Variants in IGF1 observed in about 807,000 individuals in gnomAD.
The protein encoded by IGF1 is insulin-like growth factor 1.
In IGF1, 4 loss-of-function variants were observed where a neutral mutation model predicts 13.8. That is an observed-to-expected ratio of 0.29 (90% CI 0.14 to 0.66). IGF1 has a LOEUF of 0.66. Ranked by LOEUF, IGF1 falls within the 30% of genes least tolerant of loss-of-function variation. The probability of loss-of-function intolerance (pLI) is 0.78; values close to 1 mark genes in which losing one functional copy is unlikely to be tolerated. For synonymous variants in IGF1, 76 were observed against 72.6 expected (o/e 1.05, Z -0.23); for missense variants, 124 against 188.5 (o/e 0.66, Z 2.00).
intron 2 of IGF1, among the ~76,000 whole-genome samples, chr12:102,451,617 A>G (rs567483996): frequency 1.3e-5 from 2 of 152,346 alleles, no homozygotes; most frequent in African/African-American, 4.8e-5. Context: ...AACTTGAGGA[A>G]TATACTGTAT....
At position 102,458,730 on chromosome 12, in the gene IGF1, C is replaced by CA. The variant is rs397825972; in HGVS notation, c.220+16912dup. Among the ~76,000 whole-genome samples the CA allele has an allele frequency of 9.9e-3, 725 of 73,412 alleles. 39 individuals carry two copies. In the East Asian group the frequency reaches 0.14, roughly 14 times the overall value. 48.2% of individuals were successfully genotyped at this position (73,412 alleles called of 152,430 possible). A position where few individuals can be genotyped will look rare whatever the true frequency, so the allele number is the denominator to read the frequency against. On this transcript the variant is annotated intron_variant, in intron 2 of 3. Coordinates refer to ENST00000337514, the MANE Select transcript of IGF1 (RefSeq NM_000618.5). ...TTAAGCAGATGGTAGGAACACTGAC[C>CA]AAAAAAAAAAAAAAAAACCAAAAAC...
At chr12:102,449,337 T>C (rs1348807780) in intron 2 of IGF1, among the ~76,000 whole-genome samples, 1 of 150,368 alleles carries the variant, frequency 6.7e-6, no homozygotes, top group Non-Finnish European at 1.5e-5. Flanking sequence ...TAAGTGTGAG[T>C]TGAACAATGA....
At chr12:102,438,923 G>A (rs897538735) in intron 2 of IGF1, among the ~76,000 whole-genome samples, 2 of 152,100 alleles carry the variant, frequency 1.3e-5, no homozygotes, top group Non-Finnish European at 1.5e-5. Flanking sequence ...CTTTCAAAAC[G>A]TTTATCAAAT....
At chr12:102,465,665 G>A (rs573097088) in intron 2 of IGF1, among the ~76,000 whole-genome samples, 38 of 152,298 alleles carry the variant, frequency 2.5e-4, no homozygotes, top group African/African-American at 9.1e-4. Context: ...GGCTGGGTGC[G>A]GTGGCTCACG....
intron 3 of IGF1, chr12:102,417,358 T>C (rs1329806932): frequency 4.5e-6 from 1 of 222,450 alleles, no homozygotes; most frequent in Non-Finnish European, 7.6e-6. Context: ...AAAGGGAATC[T>C]GGGAACTTCT....
chr12:102,426,520 A>T (rs1876220832), intron 2 of IGF1, among the ~76,000 whole-genome samples: 1 of 152,222 alleles, frequency 6.6e-6, no homozygotes, highest in African/African-American at 2.4e-5. Flanking sequence ...TCACTAAAGT[A>T]AATGAAAGGC....
At chr12:102,471,955 T>G (rs920798926) in intron 2 of IGF1, among the ~76,000 whole-genome samples, 8 of 152,188 alleles carry the variant, frequency 5.3e-5, no homozygotes, top group African/African-American at 1.7e-4. Flanking sequence ...ACTTCTCCTA[T>G]TTCATTTGAA....
chr12:102,441,948 T>TC (rs1877857335), intron 2 of IGF1, among the ~76,000 whole-genome samples: 1 of 143,370 alleles, frequency 7.0e-6, no homozygotes, highest in Non-Finnish European at 1.5e-5. Context: ...TTCTTCTTCT[T>TC]CTTCTTCTTT....
chr12:102,477,272 AG>A (rs1448332629), intron 1 of IGF1, among the ~76,000 whole-genome samples: 7 of 150,232 alleles, frequency 4.7e-5, no homozygotes, highest in Non-Finnish European at 8.9e-5. Context: ...TCAGCAACTG[AG>A]GAAAAAAAAA....
At chr12:102,452,495 G>T (rs965619794) in intron 2 of IGF1, among the ~76,000 whole-genome samples, 3 of 151,960 alleles carry the variant, frequency 2.0e-5, no homozygotes, top group African/African-American at 7.3e-5. Context: ...GTAAATATTT[G>T]CACACTAATC....
At chr12:102,477,286 A>C (rs1881111574) in intron 1 of IGF1, among the ~76,000 whole-genome samples, 2 of 152,038 alleles carry the variant, frequency 1.3e-5, no homozygotes, top group South Asian at 2.1e-4. Flanking sequence ...AAAAAAAAAA[A>C]AACCAAAACC....
Position 102,423,326 on chromosome 12 carries a change from T to TG in IGF1, c.221-3637dup, listed in dbSNP as rs748232104. The TG allele has an allele frequency of 1.1e-4, 16 of 145,716 alleles. 1 individual carries two copies. The highest frequency in any genetic ancestry group is 2.1e-4 in the Admixed American group (3 of 14,400). The allele number at this position is 145,716 out of a possible 1,614,324, so 9.0% of individuals were successfully genotyped here. ...GTATAGTCCCTTCTACAGCAAGGTG[T>TG]GGTCCAACAGTTCTGTTGTACTGGC... On this transcript the variant is annotated intron_variant, in intron 2 of 3. Transcript: ENST00000337514.
At chr12:102,462,074 A>C (rs61935423) in intron 2 of IGF1, among the ~76,000 whole-genome samples, 15,096 of 152,218 alleles carry the variant, frequency 0.099, 899 homozygotes, top group East Asian at 0.22. Context: ...CTGCATTTCT[A>C]AAAAGCCCTC....
chr12:102,408,512 A>G (rs1316248014), intron 3 of IGF1, among the ~76,000 whole-genome samples: 1 of 152,164 alleles, frequency 6.6e-6, no homozygotes, highest in Non-Finnish European at 1.5e-5. Flanking sequence ...TAACAGAGTG[A>G]GGGATATGTA....
chr12:102,426,093 A>G (rs1313178084), intron 2 of IGF1, among the ~76,000 whole-genome samples: 1 of 152,238 alleles, frequency 6.6e-6, no homozygotes. Context: ...TTTAGAACAT[A>G]TTACAGAATT....
rs1873595130 is a variant in IGF1, at chr12:102,400,459, GGCTACC to G, written c.*2042_*2047del. On this transcript the variant is annotated 3_prime_UTR_variant, in exon 4 of 4. Transcript: ENST00000337514. ...TAAAACACATTCACAGAGAGCTAGGGGCTACCCTTCTGAGCAGGCATGGGAAATTTC... is the reference window on the plus strand; with the variant it reads ...TAAAACACATTCACAGAGAGCTAGGGCTTCTGAGCAGGCATGGGAAATTTC... The G allele has an allele frequency of 6.6e-6, 1 of 151,980 alleles. No individual in the cohort carries two copies. The highest frequency in any genetic ancestry group is 6.6e-5 in the Admixed American group (1 of 15,250). 9.4% of individuals were successfully genotyped at this position (151,980 alleles called of 1,614,324 possible). A position where few individuals can be genotyped will look rare whatever the true frequency, so the allele number is the denominator to read the frequency against.
chr12:102,430,705 A>G lies in IGF1; in HGVS notation c.221-11015T>C, dbSNP rs1229250336. On this transcript the variant is annotated intron_variant, in intron 2 of 3. Coordinates refer to ENST00000337514, the MANE Select transcript of IGF1 (RefSeq NM_000618.5). ...ATTTTTCTTCTCAAACGACTTGTTC[A>G]TCTTCTCCTCTTCATCTCTCTTCCT... is the stretch of plus-strand genomic sequence containing the variant. Among the ~76,000 whole-genome samples the G allele has an allele frequency of 3.9e-5, 6 of 152,212 alleles. No homozygotes were observed. The South Asian group carries it at 8.3e-4, about 21-fold the overall frequency.
chr12:102,436,758 G>A (rs1278766090), intron 2 of IGF1, among the ~76,000 whole-genome samples: 1 of 152,114 alleles, frequency 6.6e-6, no homozygotes, highest in African/African-American at 2.4e-5. Context: ...TTTCTCGAGC[G>A]AGTGATAGAA....
At chr12:102,413,746 A>C (rs1030092354) in intron 3 of IGF1, among the ~76,000 whole-genome samples, 5 of 152,182 alleles carry the variant, frequency 3.3e-5, no homozygotes, top group Non-Finnish European at 4.4e-5. Flanking sequence ...CATGAAATGA[A>C]AGCACGTATT....
Sources: allele counts gnomAD v4.1 joint callset (sites outside exome capture counted in the v4.1 genomes callset), GRCh38; gene constraint gnomAD v4.1.1; transcripts MANE v1.5; gene names NCBI Gene and HGNC (gene_info 2026-07-23, HGNC 2026-07-21).